RBFOX1: variants seen among roughly 807,000 people sequenced by gnomAD.
The protein encoded by RBFOX1 is RNA binding fox-1 homolog 1.
In RBFOX1, 8 loss-of-function variants were observed where a neutral mutation model predicts 57.7. That is an observed-to-expected ratio of 0.14 (90% CI 0.08 to 0.25). RBFOX1 has a LOEUF of 0.25. RBFOX1 is among the 10% of genes least tolerant of loss of function. The probability of loss-of-function intolerance (pLI) is 1.00; values close to 1 mark genes in which losing one functional copy is unlikely to be tolerated. For missense variants in RBFOX1, 611 were observed against 548.5 expected (o/e 1.11, Z -1.14); for synonymous variants, 326 against 222.4 (o/e 1.47, Z -4.15).
intron 14 of RBFOX1, among the ~76,000 whole-genome samples, chr16:7,694,123 CTTCT>C (rs928349940): frequency 2.9e-4 from 44 of 152,220 alleles, no homozygotes; most frequent in African/African-American, 1.1e-3. Flanking sequence ...ACTAGATTTC[CTTCT>C]TTTTCCTTTT....
intron 2 of RBFOX1, among the ~76,000 whole-genome samples, chr16:6,414,745 A>G (rs1238150800): frequency 5.9e-5 from 9 of 152,180 alleles, no homozygotes; most frequent in Admixed American, 5.9e-4. Context: ...TCTACAAAGC[A>G]GGGATTCTTA....
At chr16:7,356,095 G>T (rs553418216) in intron 4 of RBFOX1, among the ~76,000 whole-genome samples, 64 of 152,192 alleles carry the variant, frequency 4.2e-4, no homozygotes, top group Non-Finnish European at 7.9e-4. Flanking sequence ...CCAATGCATT[G>T]ATTGACGCAT....
At chr16:5,464,620 C>A (rs189126501) in intron 1 of RBFOX1, among the ~76,000 whole-genome samples, 1 of 93,754 alleles carries the variant, frequency 1.1e-5, no homozygotes, top group Non-Finnish European at 2.3e-5. Context: ...TGTTCTCCTC[C>A]CCAGACTGTA....
intron 1 of RBFOX1, among the ~76,000 whole-genome samples, chr16:5,441,982 A>T (rs940365705): frequency 1.3e-5 from 2 of 152,216 alleles, no homozygotes; most frequent in African/African-American, 4.8e-5. Context: ...AAACCATATC[A>T]ATCAGTAAGA....
At chr16:6,644,202 G>C (rs905941358) in intron 2 of RBFOX1, among the ~76,000 whole-genome samples, 2 of 152,146 alleles carry the variant, frequency 1.3e-5, no homozygotes, top group African/African-American at 4.8e-5. Context: ...TCAGTGACTT[G>C]TCTTAAATTA....
At chr16:7,304,149 A>G (rs2096108935) in intron 4 of RBFOX1, 8 of 912,916 alleles carry the variant, frequency 8.8e-6, no homozygotes, top group Non-Finnish European at 1.0e-5. Flanking sequence ...GCCAGGGAGG[A>G]GGGACCGGCG....
chr16:6,166,663 C>T (rs2096919857), intron 1 of RBFOX1, among the ~76,000 whole-genome samples: 1 of 152,204 alleles, frequency 6.6e-6, no homozygotes, highest in Non-Finnish European at 1.5e-5. Context: ...TGAATAAGGA[C>T]AGCATCTCTC....
chr16:5,759,828 C>T (rs948452502), intron 3 of RBFOX1, among the ~76,000 whole-genome samples: 1 of 152,090 alleles, frequency 6.6e-6, no homozygotes, highest in Admixed American at 6.5e-5. Flanking sequence ...ACTTCTCCCT[C>T]ACCAGTGCAG....
chr16:5,424,964 C>CTT (rs1349204929), intron 1 of RBFOX1, among the ~76,000 whole-genome samples: 6,487 of 45,532 alleles, frequency 0.14, 728 homozygotes, highest in East Asian at 0.32. Context: ...TTGTTTCTTT[C>CTT]TCTTTCTTTC....
chr16:6,079,951 A>T (rs1165515354), intron 1 of RBFOX1, among the ~76,000 whole-genome samples: 2 of 152,228 alleles, frequency 1.3e-5, no homozygotes, highest in Non-Finnish European at 2.9e-5. Context: ...TCTTGGATTG[A>T]CTTTCAAAAC....
intron 1 of RBFOX1, among the ~76,000 whole-genome samples, chr16:5,358,869 G>C (rs540881217): frequency 1.3e-5 from 2 of 152,098 alleles, no homozygotes; most frequent in Non-Finnish European, 2.9e-5. Context: ...ATTGACTATA[G>C]TCACCTCATT....
chr16:6,863,537 T>A (rs951013013), intron 3 of RBFOX1, among the ~76,000 whole-genome samples: 7 of 152,006 alleles, frequency 4.6e-5, no homozygotes, highest in Non-Finnish European at 8.8e-5. Context: ...TTACAATTAT[T>A]TTCTGGTTAC....
At chr16:7,285,761 AGTTT>A (rs535908728) in intron 4 of RBFOX1, among the ~76,000 whole-genome samples, 42 of 152,330 alleles carry the variant, frequency 2.8e-4, no homozygotes, top group African/African-American at 9.1e-4. Flanking sequence ...GATGTACCAC[AGTTT>A]GTTTAACCAT....
At chr16:7,443,478 C>T (rs868006290) in intron 4 of RBFOX1, among the ~76,000 whole-genome samples, 3 of 150,868 alleles carry the variant, frequency 2.0e-5, no homozygotes, top group Middle Eastern at 3.4e-3. Context: ...TTCAGTTCAG[C>T]GTTTGACTGG....
At chr16:7,181,369 C>G (rs937396067) in intron 4 of RBFOX1, among the ~76,000 whole-genome samples, 2 of 152,118 alleles carry the variant, frequency 1.3e-5, no homozygotes, top group East Asian at 3.9e-4. Flanking sequence ...TTTTCCCTAC[C>G]TTGTAATATT....
intron 2 of RBFOX1, among the ~76,000 whole-genome samples, chr16:5,557,121 G>C (rs570399852): frequency 1.3e-5 from 2 of 152,012 alleles, no homozygotes; most frequent in Admixed American, 6.6e-5. Flanking sequence ...TTAGCTGGGC[G>C]TGGTGGCAGG....
intron 2 of RBFOX1, among the ~76,000 whole-genome samples, chr16:6,550,397 C>G (rs1432792206): frequency 2.6e-5 from 4 of 152,134 alleles, no homozygotes; most frequent in Non-Finnish European, 5.9e-5. Context: ...GGCTGGTCTC[C>G]AGTTCATGGC....
At chr16:7,289,257 T>A (rs1186927536) in intron 4 of RBFOX1, among the ~76,000 whole-genome samples, 1 of 152,158 alleles carries the variant, frequency 6.6e-6, no homozygotes, top group Non-Finnish European at 1.5e-5. Flanking sequence ...TGGGCTCTCC[T>A]TAGAAAGATT....
intron 4 of RBFOX1, among the ~76,000 whole-genome samples, chr16:5,878,205 C>T (rs2057665600): frequency 6.6e-6 from 1 of 152,206 alleles, no homozygotes; most frequent in Non-Finnish European, 1.5e-5. Context: ...GAAGGTGACT[C>T]TTCATTGTGG....
Sources: gnomAD v4.1 joint callset for allele counts (sites outside exome capture counted in the v4.1 genomes callset) on GRCh38, gnomAD v4.1.1 for gene constraint, MANE v1.5 for transcripts, NCBI Gene and HGNC (gene_info 2026-07-23, HGNC 2026-07-21) for gene names.